The following TRPM3 variants were observed in gnomAD, a reference collection of about 807,000 sequenced individuals.
TRPM3 encodes the protein long transient receptor potential channel 3.
In TRPM3, 77 loss-of-function variants were observed where a neutral mutation model predicts 181.2. That is an observed-to-expected ratio of 0.42 (90% CI 0.35 to 0.51). The LOEUF (loss-of-function observed/expected upper bound fraction) is 0.51. TRPM3 is among the 20% of genes least tolerant of loss of function. TRPM3 has a pLI of 0.01. For synonymous variants in TRPM3, 745 were observed against 796.4 expected (o/e 0.94, Z 1.09); for missense variants, 1,759 against 2,196.7 (o/e 0.80, Z 3.98).
At chr9:70,983,126 C>T (rs146007418) in intron 1 of TRPM3, among the ~76,000 whole-genome samples, 57 of 152,202 alleles carry the variant, frequency 3.7e-4, no homozygotes, top group African/African-American at 1.1e-3. Context: ...CCAAATCCAC[C>T]GAACTCTCCA....
intron 1 of TRPM3, among the ~76,000 whole-genome samples, chr9:71,160,378 T>C (rs1424798782): frequency 6.6e-6 from 1 of 152,154 alleles, no homozygotes; most frequent in African/African-American, 2.4e-5. Context: ...ACTATGATCA[T>C]TGTTTATCAT....
At chr9:70,577,923 C>T (rs2054471974) in intron 22 of TRPM3, among the ~76,000 whole-genome samples, 2 of 152,180 alleles carry the variant, frequency 1.3e-5, no homozygotes, top group African/African-American at 4.8e-5. Context: ...CAGCAACCGG[C>T]TTTCTTGTAA....
At chr9:70,852,699 A>G (rs1422420577) in intron 3 of TRPM3, among the ~76,000 whole-genome samples, 1 of 152,116 alleles carries the variant, frequency 6.6e-6, no homozygotes, top group Non-Finnish European at 1.5e-5. Context: ...CTTCCATCAG[A>G]TGTAAACTCC....
intron 25 of TRPM3, among the ~76,000 whole-genome samples, chr9:70,537,773 C>T (rs1469992146): frequency 6.6e-6 from 1 of 152,062 alleles, no homozygotes; most frequent in Non-Finnish European, 1.5e-5. Context: ...CTAGCTGTGG[C>T]TTGGGGCAGG....
chr9:70,836,064 G>T (rs1011529539), intron 5 of TRPM3, among the ~76,000 whole-genome samples: 1 of 151,968 alleles, frequency 6.6e-6, no homozygotes, highest in Non-Finnish European at 1.5e-5. Context: ...TTGTTGTTGG[G>T]GCTATTATTA....
At chr9:71,407,810 G>C (rs1270169547) in intron 1 of TRPM3, among the ~76,000 whole-genome samples, 1 of 152,156 alleles carries the variant, frequency 6.6e-6, no homozygotes, top group Non-Finnish European at 1.5e-5. Context: ...GCCTGACTGG[G>C]AGACACCTCC....
At chr9:70,603,162 A>G (rs1301621495) in intron 20 of TRPM3, among the ~76,000 whole-genome samples, 180 bp downstream of exon 20, 1 of 152,206 alleles carries the variant, frequency 6.6e-6, no homozygotes, top group Non-Finnish European at 1.5e-5. Context: ...ACACCCCTAT[A>G]AGCACCACAC....
intron 1 of TRPM3, among the ~76,000 whole-genome samples, chr9:70,942,771 A>G (rs2992995): frequency 0.41 from 62,523 of 151,962 alleles, 13,446 homozygotes; most frequent in African/African-American, 0.51. Context: ...ATAAATGGAT[A>G]GCTTTGACCA....
chr9:70,758,054 A>C (rs2077402892), intron 8 of TRPM3, among the ~76,000 whole-genome samples: 1 of 152,214 alleles, frequency 6.6e-6, no homozygotes, highest in African/African-American at 2.4e-5. Context: ...GTGTTTGTAC[A>C]TGACATGATT....
At chr9:70,948,268 C>A (rs995148755) in intron 1 of TRPM3, among the ~76,000 whole-genome samples, 1 of 148,954 alleles carries the variant, frequency 6.7e-6, no homozygotes, top group Non-Finnish European at 1.5e-5. Context: ...CCTTAAGAAC[C>A]CCTTCTCAAA....
At chr9:71,149,658 T>C (rs2075620832) in intron 1 of TRPM3, among the ~76,000 whole-genome samples, 2 of 152,018 alleles carry the variant, frequency 1.3e-5, no homozygotes. Context: ...AGAGAAAATA[T>C]ACAGTTAAAA....
At chr9:71,198,465 T>C (rs1806888824) in intron 1 of TRPM3, among the ~76,000 whole-genome samples, 1 of 152,226 alleles carries the variant, frequency 6.6e-6, no homozygotes, top group African/African-American at 2.4e-5. Context: ...CCTTGGGCAG[T>C]ATGGCCATCT....
chr9:71,242,357 C>T (rs2081758876), intron 1 of TRPM3, among the ~76,000 whole-genome samples: 1 of 152,262 alleles, frequency 6.6e-6, no homozygotes, highest in Non-Finnish European at 1.5e-5. Context: ...CCACAGAACA[C>T]TCTGTATAAC....
intron 1 of TRPM3, 26 bp from the exon 2 acceptor site, chr9:70,864,537 A>AAAAAG (rs1554753001): frequency 2.1e-6 from 3 of 1,457,994 alleles, no homozygotes; most frequent in African/African-American, 1.5e-5. Flanking sequence ...AAAAAAAAAA[A>AAAAAG]AAAAGAAAAA....
chr9:71,246,200 G>T (rs1358276322), intron 1 of TRPM3, among the ~76,000 whole-genome samples: 1 of 152,112 alleles, frequency 6.6e-6, no homozygotes, highest in Non-Finnish European at 1.5e-5. Flanking sequence ...GTCCTAACAA[G>T]ATCATAGTTT....
chr9:70,610,588 G>T (rs1224109999), intron 19 of TRPM3, 21 bp downstream of exon 19: 1 of 1,608,862 alleles, frequency 6.2e-7, no homozygotes, highest in East Asian at 2.2e-5. Flanking sequence ...CACTAGGAAG[G>T]AGAAAAGGAA....
intron 1 of TRPM3, among the ~76,000 whole-genome samples, chr9:71,061,639 G>A (rs73647940): frequency 0.01 from 1,561 of 152,184 alleles, 32 homozygotes; most frequent in African/African-American, 0.035. Flanking sequence ...AAAAATTGAG[G>A]TACTCAGTCT....
chr9:71,263,251 T>G (rs1385129075), intron 1 of TRPM3, among the ~76,000 whole-genome samples: 4 of 152,186 alleles, frequency 2.6e-5, no homozygotes, highest in African/African-American at 9.7e-5. Flanking sequence ...TTTGCTTACA[T>G]TTTTTTAAAC....
At chr9:70,615,223 T>C (rs1261911222) in intron 18 of TRPM3, among the ~76,000 whole-genome samples, 1 of 152,226 alleles carries the variant, frequency 6.6e-6, no homozygotes, top group Non-Finnish European at 1.5e-5. Flanking sequence ...AAAGTCCTTA[T>C]GGAGCTGTTG....
Sources: allele counts gnomAD v4.1 joint callset (sites outside exome capture counted in the v4.1 genomes callset), GRCh38; gene constraint gnomAD v4.1.1; transcripts MANE v1.5; gene names NCBI Gene and HGNC (gene_info 2026-07-23, HGNC 2026-07-21).